PRAM1: variants seen among roughly 807,000 people sequenced by gnomAD.
PRAM1 encodes the protein PML-RARA regulated adaptor molecule 1.
In PRAM1, 41 loss-of-function variants were observed where a neutral mutation model predicts 55.3. That is an observed-to-expected ratio of 0.74 (90% CI 0.58 to 0.96). PRAM1 has a LOEUF of 0.96. Among genes scored for constraint, PRAM1 ranks in the 40% least tolerant of loss-of-function variants. The pLI is 0.00. For synonymous variants in PRAM1, 401 were observed against 387.1 expected (o/e 1.04, Z -0.42); for missense variants, 898 against 892.7 (o/e 1.01, Z -0.08).
rs756129137 is a variant in PRAM1 at position 8,499,030 on chromosome 19, T to C, written c.778A>G (p.Ser260Gly). ...GCGCTGGAGTCGCGCTTCGGCTCGC[T>C]GGACTGAGGCTTCCAGAGGGGAGTC... ...AQTPLWKPQS[S>G]EPKRDSSAFP... Residue 260 changes from serine to glycine, a missense_variant, in exon 2 of 10, where the codon AGC (serine) becomes GGC (glycine). Around this residue, in one of 4 missense-constraint regions of PRAM1, gnomAD observed 787 missense variants for 735.4 expected, o/e 1.07. Transcript: ENST00000423345. The C allele has an allele frequency of 2.5e-6, 4 of 1,613,636 alleles. No individual in the cohort carries two copies. The South Asian group carries it at 3.3e-5, about 13-fold the overall frequency.
chr19:8,498,726 T>G lies in PRAM1; in HGVS notation c.1082A>C (p.Glu361Ala). 1 of 1,587,222 alleles carries G rather than the reference T, an allele frequency of 6.3e-7. No homozygotes were observed. The highest frequency in any genetic ancestry group is 8.6e-7 in the Non-Finnish European group (1 of 1,167,724). ...GTGTCTCTTGAGGACAGCGCTGGGC[T>G]CAGGCTGTGAGAACTTGCGGGGTGG... Reference protein sequence around the residue: ...RGPPRKFSQPEPSAVLKRHPQ... With the variant: ...RGPPRKFSQPAPSAVLKRHPQ... Residue 361 changes from glutamate to alanine, a missense_variant, in exon 2 of 10, where the codon GAG (glutamate) becomes GCG (alanine). By Grantham distance (107) the Glu-to-Ala change is moderately radical (BLOSUM62 -1). Transcript: ENST00000423345.
At chr19:8,494,889 T>C (rs1971676896) in intron 4 of PRAM1, among the ~76,000 whole-genome samples, 2 of 150,960 alleles carry the variant, frequency 1.3e-5, no homozygotes, top group African/African-American at 4.9e-5. Context: ...CGCCTTGGCC[T>C]CCCAAAGTGC....
intron 4 of PRAM1, among the ~76,000 whole-genome samples, chr19:8,494,756 C>G (rs1346315869): frequency 6.6e-6 from 1 of 151,716 alleles, no homozygotes; most frequent in Non-Finnish European, 1.5e-5. Context: ...CTCAGCCTCC[C>G]AAGTAGCTGG....
At chr19:8,497,052 T>A (rs1313342289) in intron 4 of PRAM1, among the ~76,000 whole-genome samples, 1 of 151,934 alleles carries the variant, frequency 6.6e-6, no homozygotes, top group African/African-American at 2.4e-5. Context: ...AATGAATGGA[T>A]GGATGGATGG....
chr19:8,496,410 G>T (rs1343467032), intron 4 of PRAM1, among the ~76,000 whole-genome samples: 3 of 151,526 alleles, frequency 2.0e-5, no homozygotes, highest in Non-Finnish European at 1.5e-5. Flanking sequence ...GAGCGAGACT[G>T]TGTCTCCAAA....
At chr19:8,502,464 G>GCGC in intron 1 of PRAM1, 101 bp downstream of exon 1, 1 of 216,460 alleles carries the variant, frequency 4.6e-6, no homozygotes, top group Non-Finnish European at 8.4e-6. Flanking sequence ...GCCACCCCCC[G>GCGC]CCCCCCCGCC....
At position 8,497,814 on chromosome 19, in the gene PRAM1, T is replaced by C. The variant is rs373214724; in HGVS notation, c.1526A>G (p.Tyr509Cys). Residue 509 changes from tyrosine (Y) to cysteine (C), a missense_variant, in exon 4 of 10, where the codon TAT (tyrosine) becomes TGT (cysteine). Physicochemically the swap from Tyr to Cys is radical, Grantham distance 194. This residue lies in a region of PRAM1 where 787 missense variants were observed against 735.4 expected (regional missense o/e 1.07). Transcript: ENST00000423345. Reference protein sequence around the residue: ...PQVPDEIYELYDDVEPRDDSS... With the variant: ...PQVPDEIYELCDDVEPRDDSS... ...GTCATCTCTGGGTTCCACATCGTCA[T>C]ACAGCTCGTAGATCTCATCTGGGAC... is the stretch of plus-strand genomic sequence containing the variant. 8.1e-6 allele frequency: 13 copies of C among 1,609,444 alleles called. No individual in the cohort carries two copies. The highest frequency in any genetic ancestry group is 1.7e-4 in the Middle Eastern group (1 of 5,938).
chr19:8,501,098 C>CT lies in PRAM1; in HGVS notation c.28-1319dup, dbSNP rs35262115. On this transcript the variant is annotated intron_variant, in intron 1 of 9. Transcript: ENST00000423345. ...TAGACCACCCTATTTTTCTTTCTTT[C>CT]TTTTTTTTTTTTTTTTTTGAGACGG... 2.4e-3 allele frequency among the ~76,000 whole-genome samples: 283 copies of CT among 118,140 alleles called. 2 individuals carry two copies. Among genetic ancestry groups the CT allele is most frequent in the South Asian group, 4.1e-3 (16 of 3,856 alleles). 77.5% of individuals were successfully genotyped at this position (118,140 alleles called of 152,430 possible). A position where few individuals can be genotyped will look rare whatever the true frequency, so the allele number is the denominator to read the frequency against.
Position 8,490,134 on chromosome 19 carries a change from C to G in PRAM1, c.*55G>C. The G allele has an allele frequency of 1.3e-6, 2 of 1,482,404 alleles. No individual in the cohort carries two copies. Among genetic ancestry groups the G allele is most frequent in the South Asian group, 1.4e-5 (1 of 73,656 alleles). The allele number at this position is 1,482,404 out of a possible 1,614,324, so 91.8% of individuals were successfully genotyped here. On this transcript the variant is annotated 3_prime_UTR_variant, in exon 10 of 10. Transcript: ENST00000423345. The surrounding 1 kb of genome is among the most constrained non-coding windows in gnomAD (Gnocchi z 7.3). ...CTTTCCCGCGCCGGGATCCAGGGCT[C>G]CTGGGTGAGCGGGCGCTGGGCTGGC...
chr19:8,499,828 G>C (rs1044779827), intron 1 of PRAM1, 48 bp from the exon 2 acceptor site: 2 of 1,476,550 alleles, frequency 1.4e-6, no homozygotes, highest in African/African-American at 2.8e-5. Context: ...ACACAGAAGG[G>C]GCATGGAAGG....
chr19:8,496,156 C>T, intron 4 of PRAM1: 1 of 455,038 alleles, frequency 2.2e-6, no homozygotes, highest in South Asian at 1.6e-5. Context: ...TGGCTCACGC[C>T]TGAAATCTCA....
At position 8,499,799 on chromosome 19, in the gene PRAM1, A is replaced by G. The variant is rs1456971065; in HGVS notation, c.28-19T>C. The G allele has an allele frequency of 1.8e-5, 28 of 1,563,282 alleles. No individual in the cohort carries two copies. The highest frequency in any genetic ancestry group is 2.1e-5 in the Non-Finnish European group (24 of 1,153,804). On this transcript the variant is annotated intron_variant, in intron 1 of 9. Transcript: ENST00000423345. Reference sequence around the variant, plus strand: ...GGCTCTCCTAGGAGACGCAGAGCCAATGAGGCAGGGGCTCAAACACACAGA... The same window carrying G: ...GGCTCTCCTAGGAGACGCAGAGCCAGTGAGGCAGGGGCTCAAACACACAGA...
intron 4 of PRAM1, chr19:8,495,983 C>T (rs1209331356): frequency 2.2e-6 from 1 of 449,116 alleles, no homozygotes; most frequent in African/African-American, 2.0e-5. Flanking sequence ...CCCTATTCAC[C>T]CAGCACAAAC....
chr19:8,501,013 T>TCCACC (rs1379301868), intron 1 of PRAM1, among the ~76,000 whole-genome samples: 2 of 149,900 alleles, frequency 1.3e-5, no homozygotes, highest in Non-Finnish European at 3.0e-5. Flanking sequence ...TGATCCACCC[T>TCCACC]CCACCCGCCT....
chr19:8,497,439 G>A (rs1183421145), intron 4 of PRAM1, among the ~76,000 whole-genome samples: 2 of 152,108 alleles, frequency 1.3e-5, no homozygotes, highest in African/African-American at 4.8e-5. Context: ...GCCTCACAAA[G>A]CCCTGGGATT....
chr19:8,490,493 TC>T lies in PRAM1; in HGVS notation c.1922del (p.Arg641LysfsTer?). 1 of 1,612,384 alleles carries T rather than the reference TC, an allele frequency of 6.2e-7. No homozygotes were observed. The highest frequency in any genetic ancestry group is 8.5e-7 in the Non-Finnish European group (1 of 1,179,366). On this transcript the variant is annotated frameshift_variant, in exon 8 of 10. Coordinates refer to ENST00000423345, the MANE Select transcript of PRAM1 (RefSeq NM_032152.5). LOFTEE classifies it high-confidence loss of function. The surrounding 1 kb of genome is among the most constrained non-coding windows in gnomAD (Gnocchi z 7.3). ...DPKGKYGYVP[R>X]TALLPLETEV... Reference sequence around the variant, plus strand: ...GCACTCACAGGGGCAGGAGCGCTGTTCTGGGCACGTAGCCATCTGTGGAGAG... The same window carrying T: ...GCACTCACAGGGGCAGGAGCGCTGTTTGGGCACGTAGCCATCTGTGGAGAG...
In PRAM1 at chr19:8,490,086, T is replaced by G. The variant is rs1158299311; in HGVS notation, c.*103A>C. 8.5e-7 allele frequency: 1 copy of G among 1,172,808 alleles called. No homozygotes were observed. The highest frequency in any genetic ancestry group is 2.8e-5 in the Admixed American group (1 of 35,490). 72.7% of individuals were successfully genotyped at this position (1,172,808 alleles called of 1,614,324 possible). On this transcript the variant is annotated 3_prime_UTR_variant, in exon 10 of 10. Coordinates refer to ENST00000423345, the MANE Select transcript of PRAM1 (RefSeq NM_032152.5). The surrounding 1 kb of genome is among the most constrained non-coding windows in gnomAD (Gnocchi z 7.3). ...TAAACTGGGGCTTTATGTGGCCAGGTACAAGCCCAGGCAGCTCTGTGACTT... is the reference window on the plus strand; with the variant it reads ...TAAACTGGGGCTTTATGTGGCCAGGGACAAGCCCAGGCAGCTCTGTGACTT...
rs370187944 is a variant in PRAM1, at chr19:8,490,417, C to T, written c.1941-45G>A. Reference sequence around the variant, plus strand: ...TCAGCAAGGGGCACCGTGGCCCATTCCCCCCACCCTGCACCACACACCCCG... The same window carrying T: ...TCAGCAAGGGGCACCGTGGCCCATTTCCCCCACCCTGCACCACACACCCCG... On this transcript the variant is annotated intron_variant, in intron 8 of 9. Transcript: ENST00000423345. This position sits in a 1 kb window ranked among gnomAD's most constrained non-coding sequence, Gnocchi z 7.3. The T allele has an allele frequency of 2.6e-4, 425 of 1,613,340 alleles. 1 individual carries two copies. Among genetic ancestry groups the T allele is most frequent in the African/African-American group, 7.3e-4 (55 of 74,908 alleles).
chr19:8,501,340 C>T (rs1246073975), intron 1 of PRAM1, among the ~76,000 whole-genome samples: 2 of 151,720 alleles, frequency 1.3e-5, no homozygotes, highest in East Asian at 1.9e-4. Context: ...AGTGATCCAC[C>T]CACCTCGGCC....
Sources: gnomAD v4.1 joint callset for allele counts (sites outside exome capture counted in the v4.1 genomes callset) on GRCh38, gnomAD v4.1.1 for gene constraint, gnomAD v4.1.1 regional missense constraint, Gnocchi (gnomAD v3.1) non-coding constraint, MANE v1.5 for transcripts, NCBI Gene and HGNC (gene_info 2026-07-23, HGNC 2026-07-21) for gene names.